NIPBL: variants seen among roughly 807,000 people sequenced by gnomAD.
The protein encoded by NIPBL is NIPBL cohesin loading factor, also known as nipped-B-like protein.
A neutral mutation model predicts 321.8 loss-of-function variants in NIPBL; 19 were observed. That is an observed-to-expected ratio of 0.06 (90% CI 0.04 to 0.09). The LOEUF (loss-of-function observed/expected upper bound fraction) is 0.09. Among genes scored for constraint, NIPBL ranks in the 10% least tolerant of loss-of-function variants. The pLI, the probability that NIPBL is intolerant of heterozygous loss-of-function variation, is 1.00. For synonymous variants in NIPBL, 1,106 were observed against 1,114.1 expected (o/e 0.99, Z 0.14); for missense variants, 2,210 against 3,327.0 (o/e 0.66, Z 8.26).
chr5:37,000,355 A>T lies in NIPBL; in HGVS notation c.3305-18A>T. On this transcript the variant is annotated intron_variant, in intron 11 of 46. Transcript: ENST00000282516. Reference sequence around the variant, plus strand: ...TTTTAAATGAGGTAAATTATTTGTCATGGGGATTTGCTTCTAGCCTCTAGG... The same window carrying T: ...TTTTAAATGAGGTAAATTATTTGTCTTGGGGATTTGCTTCTAGCCTCTAGG... 1 of 1,609,594 alleles carries T rather than the reference A, an allele frequency of 6.2e-7. No individual in the cohort carries two copies. Among genetic ancestry groups the T allele is most frequent in the Non-Finnish European group, 8.5e-7 (1 of 1,176,950 alleles).
intron 33 of NIPBL, 101 bp from the exon 34 acceptor site, chr5:37,038,501 A>G (rs879376763): frequency 3.0e-6 from 3 of 995,182 alleles, no homozygotes; most frequent in Non-Finnish European, 4.6e-6. Flanking sequence ...CCTATACTGG[A>G]CCTATTTAGG....
At chr5:36,958,956 C>T (rs538528767) in intron 4 of NIPBL, among the ~76,000 whole-genome samples, 19 of 152,196 alleles carry the variant, frequency 1.2e-4, no homozygotes, top group African/African-American at 4.6e-4. Flanking sequence ...CCTGTAATCC[C>T]AGCACTTTTG....
intron 8 of NIPBL, 66 bp downstream of exon 8, chr5:36,972,107 T>A (rs115891600): frequency 5.8e-6 from 6 of 1,033,770 alleles, no homozygotes; most frequent in African/African-American, 1.6e-5. Flanking sequence ...GAACTCAGAC[T>A]TCCTAAAGCA....
chr5:36,973,347 A>T (rs541157112), intron 8 of NIPBL, among the ~76,000 whole-genome samples: 12 of 149,980 alleles, frequency 8.0e-5, no homozygotes, highest in East Asian at 2.0e-4. Context: ...AAAATTTTTT[A>T]AAAATTTTAT....
rs536838706 is a variant in NIPBL at position 36,994,590 on chromosome 5, A to G, written c.3122-1032A>G. ...CTAATATTTCCTGCTATAAACCACA[A>G]AGGTACTCTTTGCTTCCAATTCATA... On this transcript the variant is annotated intron_variant, in intron 10 of 46. Coordinates refer to ENST00000282516, the MANE Select transcript of NIPBL (RefSeq NM_133433.4). Among the ~76,000 whole-genome samples, 13 of 152,216 alleles carry G rather than the reference A, an allele frequency of 8.5e-5. 1 individual carries two copies. The South Asian group carries it at 1.5e-3, about 17-fold the overall frequency.
At chr5:36,910,686 C>CT (rs1182593433) in intron 1 of NIPBL, among the ~76,000 whole-genome samples, 1 of 151,856 alleles carries the variant, frequency 6.6e-6, no homozygotes, top group African/African-American at 2.4e-5. Context: ...TTTATCTTAC[C>CT]TTTTTTTAGT....
In NIPBL at chr5:37,065,289, T is replaced by C. The variant is rs573975118; in HGVS notation, c.*397T>C. Reference sequence around the variant, plus strand: ...CCCAGTTTCCAGGGAAGCATTGTTTTTTCCAGGCTGTAAAATGGCAGAATC... The same window carrying C: ...CCCAGTTTCCAGGGAAGCATTGTTTCTTCCAGGCTGTAAAATGGCAGAATC... On this transcript the variant is annotated 3_prime_UTR_variant, in exon 47 of 47. Coordinates refer to ENST00000282516, the MANE Select transcript of NIPBL (RefSeq NM_133433.4). The C allele has an allele frequency of 3.2e-5, 7 of 216,278 alleles. No individual in the cohort carries two copies. In the East Asian group the frequency reaches 9.4e-4, roughly 29 times the overall value. The allele number at this position is 216,278 out of a possible 1,614,324, so 13.4% of individuals were successfully genotyped here. A position where few individuals can be genotyped will look rare whatever the true frequency, so the allele number is the denominator to read the frequency against.
rs1364399684 is a variant in NIPBL, at chr5:37,014,676, A to T, written c.4561-7A>T. The T allele has an allele frequency of 6.3e-7, 1 of 1,579,570 alleles. No individual in the cohort carries two copies. Among genetic ancestry groups the T allele is most frequent in the Admixed American group, 1.7e-5 (1 of 59,726 alleles). ...TATCTTTATAAACTCACTTTTTTTC[A>T]TTCTAGATTGACCAGGATGTTGTCA... On this transcript the variant is annotated splice_region_variant and splice_polypyrimidine_tract_variant and intron_variant, in intron 21 of 46. Transcript: ENST00000282516.
Position 37,048,001 on chromosome 5 carries a change from A to T in NIPBL, c.6590-501A>T, listed in dbSNP as rs183111212. Among the ~76,000 whole-genome samples the T allele has an allele frequency of 5.8e-3, 880 of 151,976 alleles. 3 individuals carry two copies. The highest frequency in any genetic ancestry group is 7.9e-3 in the Admixed American group (120 of 15,274). On this transcript the variant is annotated intron_variant, in intron 38 of 46. Transcript: ENST00000282516. ...ATGAATATATTTTAATTTTTTTTTT[A>T]AAATAATGTCAATGTAGTACCTTCT...
Position 37,020,889 on chromosome 5 carries a change from A to G in NIPBL, c.5328+12A>G. The G allele has an allele frequency of 1.9e-6, 3 of 1,553,660 alleles. No individual in the cohort carries two copies. Among genetic ancestry groups the G allele is most frequent in the Non-Finnish European group, 2.7e-6 (3 of 1,124,862 alleles). ...TTTATTTGACACAGGTAAACTGGATAAGAATTCCTTATACAGTGATATTGA... is the reference window on the plus strand; with the variant it reads ...TTTATTTGACACAGGTAAACTGGATGAGAATTCCTTATACAGTGATATTGA... On this transcript the variant is annotated intron_variant, in intron 27 of 46. Transcript: ENST00000282516.
chr5:36,931,858 CT>C (rs1749806422), intron 1 of NIPBL, among the ~76,000 whole-genome samples: 1 of 146,668 alleles, frequency 6.8e-6, no homozygotes, highest in Non-Finnish European at 1.5e-5. Flanking sequence ...TTTGTTTACA[CT>C]TTTTCTAGTT....
chr5:36,931,849 T>C (rs1749805466), intron 1 of NIPBL, among the ~76,000 whole-genome samples: 1 of 151,970 alleles, frequency 6.6e-6, no homozygotes, highest in Non-Finnish European at 1.5e-5. Flanking sequence ...GTTTTTGATT[T>C]TGTTTACACT....
chr5:36,984,563 T>A, intron 9 of NIPBL, 113 bp from the exon 10 acceptor site: 2 of 915,590 alleles, frequency 2.2e-6, no homozygotes, highest in Non-Finnish European at 3.2e-6. Flanking sequence ...GCATTTGCAT[T>A]TTACTCCATT....
rs763839941 is a variant in NIPBL, at chr5:37,058,910, G to A, written c.7430G>A (p.Arg2477Lys). The change falls in exon 44 of 47, where the codon AGG becomes AAG. Residue 2477 changes from arginine to lysine, a missense_variant. Physicochemically the swap from Arg to Lys is conservative, Grantham distance 26. Coordinates refer to ENST00000282516, the MANE Select transcript of NIPBL (RefSeq NM_133433.4). ...SFKESMVKDK[R>K]KERKSSPSKE... The stretch of plus-strand genomic sequence containing the variant: ...TTTCAGTCTATGGTAAAGGACAAAA[G>A]GAAAGAGAGAAAATCATCACCTAGT... The A allele has an allele frequency of 6.2e-7, 1 of 1,613,982 alleles. No homozygotes were observed. The highest frequency in any genetic ancestry group is 1.1e-5 in the South Asian group (1 of 91,056).
At chr5:37,015,122 ATT>A (rs376269954) in intron 22 of NIPBL, among the ~76,000 whole-genome samples, 3 of 144,432 alleles carry the variant, frequency 2.1e-5, no homozygotes. Flanking sequence ...CTCCATATGA[ATT>A]TTTTTTTTTT....
chr5:36,943,346 G>A (rs936397054), intron 1 of NIPBL, among the ~76,000 whole-genome samples: 1 of 152,052 alleles, frequency 6.6e-6, no homozygotes, highest in African/African-American at 2.4e-5. Context: ...TGAAAGCACC[G>A]TAGACCAAAA....
intron 1 of NIPBL, among the ~76,000 whole-genome samples, chr5:36,944,604 A>C (rs1434373969): frequency 6.6e-6 from 1 of 152,088 alleles, no homozygotes; most frequent in East Asian, 1.9e-4. Context: ...AATTTTTCTT[A>C]TATTTCACAT....
chr5:37,036,942 A>G (rs1323241455), intron 33 of NIPBL, among the ~76,000 whole-genome samples: 1 of 152,036 alleles, frequency 6.6e-6, no homozygotes, highest in Non-Finnish European at 1.5e-5. Flanking sequence ...TAATTGTTAC[A>G]TAAAGTTTGC....
chr5:37,041,267 T>TTTTG (rs1349653261), intron 34 of NIPBL, among the ~76,000 whole-genome samples: 2 of 127,604 alleles, frequency 1.6e-5, no homozygotes, highest in African/African-American at 3.2e-5. Context: ...TTTTTTTTTT[T>TTTTG]TTTTTTTTTT....
Sources: gnomAD v4.1 joint callset for allele counts (sites outside exome capture counted in the v4.1 genomes callset) on GRCh38, gnomAD v4.1.1 for gene constraint, MANE v1.5 for transcripts, NCBI Gene and HGNC (gene_info 2026-07-23, HGNC 2026-07-21) for gene names.